Variants in RDH10 observed in about 807,000 individuals in gnomAD.
RDH10 encodes retinol dehydrogenase 10, also known as retinol dehydrogenase 10 (all-trans).
RDH10 carries 12 observed loss-of-function variants against 30.2 expected under a neutral mutation model. The ratio of observed to expected loss-of-function variants is 0.40; its 90% CI spans 0.25 to 0.64. The LOEUF is 0.64. Ranked by LOEUF, RDH10 falls within the 30% of genes least tolerant of loss-of-function variation. RDH10 has a pLI of 0.43. For synonymous variants in RDH10, 189 were observed against 172.2 expected (o/e 1.10, Z -0.76); for missense variants, 268 against 445.2 (o/e 0.60, Z 3.58).
At chr8:73,315,512 C>A (rs1489635984) in intron 2 of RDH10, 1 of 438,674 alleles carries the variant, frequency 2.3e-6, no homozygotes, top group Admixed American at 2.4e-5. Flanking sequence ...CAGAACGTTG[C>A]AACAAATTAC....
At position 73,321,018 on chromosome 8, in the gene RDH10, A is replaced by G; in HGVS notation, c.711A>G (p.Lys237=). 6.2e-7 allele frequency: 1 copy of G among 1,614,162 alleles called. No individual in the cohort carries two copies. Among genetic ancestry groups the G allele is most frequent in the South Asian group, 1.1e-5 (1 of 91,088 alleles). The change falls in exon 4 of 6, where the codon AAA becomes AAG. Residue 237 remains lysine (K), a synonymous_variant. Transcript: ENST00000240285. ...AGGCTGCTGAAAAGGATGGAATTAA[A>G]ACAACCTTGGTTTGCCCTTATCTTG... ...ELKAAEKDGI[K]TTLVCPYLVD...
intron 2 of RDH10, chr8:73,315,415 CT>C: frequency 3.3e-6 from 1 of 301,836 alleles, no homozygotes; most frequent in Non-Finnish European, 6.9e-6. Context: ...TACTACCCTC[CT>C]TATGGACAAA....
intron 2 of RDH10, among the ~76,000 whole-genome samples, chr8:73,313,896 A>G (rs1814616560): frequency 6.6e-6 from 1 of 152,192 alleles, no homozygotes; most frequent in South Asian, 2.1e-4. Flanking sequence ...TTACTAGATG[A>G]TAACTCCTGA....
chr8:73,320,781 T>C (rs1814757560), intron 3 of RDH10, 151 bp from the exon 4 acceptor site: 2 of 726,580 alleles, frequency 2.8e-6, no homozygotes, highest in Admixed American at 5.9e-5. Context: ...CAGGTATCTG[T>C]CTTTTAAAAT....
chr8:73,302,979 C>A (rs1814404532), intron 2 of RDH10, among the ~76,000 whole-genome samples: 1 of 152,142 alleles, frequency 6.6e-6, no homozygotes, highest in South Asian at 2.1e-4. Context: ...AGAATTTTTG[C>A]ATGGTAAAGG....
chr8:73,320,445 T>G lies in RDH10; in HGVS notation c.625-487T>G, dbSNP rs146972115. ...ACATCAGGTATCTGGTTTGTGTTTT[T>G]TTTTTGTTTTTGTTTTTGTTTTTGT... On this transcript the variant is annotated intron_variant, in intron 3 of 5. Coordinates refer to ENST00000240285, the MANE Select transcript of RDH10 (RefSeq NM_172037.5). Among the ~76,000 whole-genome samples the G allele has an allele frequency of 6.8e-3, 1,002 of 146,446 alleles. 7 individuals are homozygous for G. The highest frequency in any genetic ancestry group is 0.02 in the African/African-American group (797 of 40,172).
At chr8:73,297,621 C>A in intron 2 of RDH10, 192 bp downstream of exon 2, 1 of 545,812 alleles carries the variant, frequency 1.8e-6, no homozygotes, top group East Asian at 3.1e-5. Flanking sequence ...ACCCCCCCGC[C>A]ACCCCTAACT....
At chr8:73,295,875 T>C in intron 1 of RDH10, 17 of 1,213,632 alleles carry the variant, frequency 1.4e-5, no homozygotes, top group Non-Finnish European at 1.8e-5. Flanking sequence ...GGGAACTTGT[T>C]ACCACAGGTT....
At chr8:73,317,697 G>A (rs1157336727) in intron 2 of RDH10, among the ~76,000 whole-genome samples, 3 of 152,152 alleles carry the variant, frequency 2.0e-5, no homozygotes, top group Non-Finnish European at 4.4e-5. Flanking sequence ...GAGATGGGAG[G>A]ATCACTTGAG....
intron 2 of RDH10, among the ~76,000 whole-genome samples, chr8:73,299,392 T>C (rs1814338871): frequency 6.6e-6 from 1 of 152,182 alleles, no homozygotes; most frequent in Admixed American, 6.5e-5. Flanking sequence ...TTATCAAGAA[T>C]CTTGTGTGTT....
At chr8:73,295,650 C>G in intron 1 of RDH10, 72 bp downstream of exon 1, 1 of 1,357,370 alleles carries the variant, frequency 7.4e-7, no homozygotes, top group Non-Finnish European at 9.7e-7. Flanking sequence ...ACGGCAGGCC[C>G]CAAACCCCGC....
chr8:73,322,859 G>A (rs746513232), intron 5 of RDH10, 49 bp downstream of exon 5: 42 of 1,613,656 alleles, frequency 2.6e-5, no homozygotes, highest in African/African-American at 1.2e-4. Context: ...ATGCCTGCCC[G>A]ATGTCTTAAT....
At chr8:73,299,755 C>T (rs1182980815) in intron 2 of RDH10, among the ~76,000 whole-genome samples, 10 of 152,190 alleles carry the variant, frequency 6.6e-5, no homozygotes, top group Admixed American at 6.5e-4. Flanking sequence ...TTTTAAGAAA[C>T]CCCATACAAT....
chr8:73,319,572 A>T lies in RDH10; in HGVS notation c.624+378A>T, dbSNP rs146470463. Among the ~76,000 whole-genome samples, 770 of 152,312 alleles carry T rather than the reference A, an allele frequency of 5.1e-3. 16 individuals carry two copies. The highest frequency in any genetic ancestry group is 0.029 in the East Asian group (148 of 5,178). On this transcript the variant is annotated intron_variant, in intron 3 of 5. Transcript: ENST00000240285. ...ATGGACTTCTGCCTCTTCTGCCATA[A>T]AATCTCTTACACTAGTTTGACAAAG... is the stretch of plus-strand genomic sequence containing the variant.
At chr8:73,301,039 ATTCTTTTTT>A (rs1182416802) in intron 2 of RDH10, among the ~76,000 whole-genome samples, 7 of 98,800 alleles carry the variant, frequency 7.1e-5, no homozygotes, top group African/African-American at 2.4e-4. Context: ...ACAAAACTCT[ATTCTTTTTT>A]TTTTTTTTTT....
chr8:73,316,642 C>T (rs74594684), intron 2 of RDH10, among the ~76,000 whole-genome samples: 2,361 of 152,280 alleles, frequency 0.016, 32 homozygotes, highest in African/African-American at 0.038. Context: ...TACAGAAATA[C>T]GTGAGACTGG....
At position 73,301,042 on chromosome 8, in the gene RDH10, C is replaced by T. The variant is rs201216599; in HGVS notation, c.525+3613C>T. Among the ~76,000 whole-genome samples the T allele has an allele frequency of 8.6e-3, 751 of 87,176 alleles. 13 individuals are homozygous for T. Among genetic ancestry groups the T allele is most frequent in the African/African-American group, 0.033 (685 of 20,978 alleles). 57.2% of individuals were successfully genotyped at this position (87,176 alleles called of 152,430 possible). ...CCTTTGCCTGGAACAAAACTCTATT[C>T]TTTTTTTTTTTTTTTTTTTTTTTTT... On this transcript the variant is annotated intron_variant, in intron 2 of 5. Coordinates refer to ENST00000240285, the MANE Select transcript of RDH10 (RefSeq NM_172037.5).
chr8:73,294,803 G>A lies in RDH10; in HGVS notation c.-487G>A, dbSNP rs1814221812. 5.4e-6 allele frequency: 2 copies of A among 372,796 alleles called. No homozygotes were observed. Among genetic ancestry groups the A allele is most frequent in the South Asian group, 2.8e-4 (2 of 7,212 alleles). The allele number at this position is 372,796 out of a possible 1,614,324, so 23.1% of individuals were successfully genotyped here. A position where few individuals can be genotyped will look rare whatever the true frequency, so the allele number is the denominator to read the frequency against. On this transcript the variant is annotated 5_prime_UTR_variant, in exon 1 of 6. Coordinates refer to ENST00000240285, the MANE Select transcript of RDH10 (RefSeq NM_172037.5). The stretch of plus-strand genomic sequence containing the variant: ...CCGCACCCCACTCTCCCACCCTCTC[G>A]CAACTTGGGTCGAGTTGACAACTCC...
At position 73,295,488 on chromosome 8, in the gene RDH10, G is replaced by A; in HGVS notation, c.199G>A (p.Asp67Asn). 2.6e-6 allele frequency: 4 copies of A among 1,555,036 alleles called. No individual in the cohort carries two copies. Among genetic ancestry groups the A allele is most frequent in the Non-Finnish European group, 3.5e-6 (4 of 1,150,540 alleles). The change falls in exon 1 of 6, where the codon GAC becomes AAC. Residue 67 changes from aspartate (D) to asparagine (N), a missense_variant. Transcript: ENST00000240285. ...GCGTCGGGCGCTGCTGGTGCTGTGG[G>A]ACATCAACACGCAAAGCAACGAGGA... The part of the protein sequence containing the change: ...ARRRALLVLW[D>N]INTQSNEETA...
Sources: allele counts gnomAD v4.1 joint callset (sites outside exome capture counted in the v4.1 genomes callset), GRCh38; gene constraint gnomAD v4.1.1; transcripts MANE v1.5; gene names NCBI Gene and HGNC (gene_info 2026-07-23, HGNC 2026-07-21).